The following RBFOX2 variants were observed in gnomAD, a reference collection of about 807,000 sequenced individuals.
RBFOX2 encodes RNA binding fox-1 homolog 2, also known as RNA binding protein fox-1 homolog 2.
In RBFOX2, 10 loss-of-function variants were observed where a neutral mutation model predicts 49.1. The ratio of observed to expected loss-of-function variants is 0.20; its 90% CI spans 0.13 to 0.35. RBFOX2 has a LOEUF of 0.35. Among genes scored for constraint, RBFOX2 ranks in the 10% least tolerant of loss-of-function variants. The probability of loss-of-function intolerance (pLI) is 1.00; values close to 1 mark genes in which losing one functional copy is unlikely to be tolerated. For synonymous variants in RBFOX2, 183 were observed against 187.4 expected (o/e 0.98, Z 0.19); for missense variants, 323 against 486.9 (o/e 0.66, Z 3.17).
intron 1 of RBFOX2, among the ~76,000 whole-genome samples, chr22:35,969,126 C>G (rs2056731844): frequency 6.6e-6 from 1 of 152,194 alleles, no homozygotes; most frequent in Non-Finnish European, 1.5e-5. Flanking sequence ...CTCATACACT[C>G]TCCTTGCACA....
intron 1 of RBFOX2, among the ~76,000 whole-genome samples, chr22:35,983,237 C>G (rs1331547612): frequency 6.6e-6 from 1 of 152,190 alleles, no homozygotes; most frequent in Non-Finnish European, 1.5e-5. Flanking sequence ...GCCCTCAGCT[C>G]TGCAACCAGG....
intron 1 of RBFOX2, among the ~76,000 whole-genome samples, chr22:35,846,069 A>G (rs1469154974): frequency 6.6e-6 from 1 of 150,684 alleles, no homozygotes; most frequent in Non-Finnish European, 1.5e-5. Flanking sequence ...TAATATAATT[A>G]CATACACTAT....
At chr22:35,826,448 T>A (rs1955755452) in intron 1 of RBFOX2, among the ~76,000 whole-genome samples, 1 of 151,840 alleles carries the variant, frequency 6.6e-6, no homozygotes, top group South Asian at 2.1e-4. Flanking sequence ...TGCTAACAGC[T>A]GAGTTATAAT....
intron 1 of RBFOX2, among the ~76,000 whole-genome samples, chr22:36,016,993 A>G (rs1299666782): frequency 6.6e-6 from 1 of 152,166 alleles, no homozygotes; most frequent in Admixed American, 6.5e-5. Flanking sequence ...GGTCCCTACT[A>G]AACTGGCTGG....
intron 8 of RBFOX2, among the ~76,000 whole-genome samples, chr22:35,760,728 T>C (rs376514214): frequency 1.3e-5 from 2 of 152,158 alleles, no homozygotes; most frequent in African/African-American, 2.4e-5. Flanking sequence ...TGCAGAGACA[T>C]TGATTCCATG....
chr22:35,929,183 G>A (rs1483646886), intron 1 of RBFOX2, among the ~76,000 whole-genome samples: 4 of 151,518 alleles, frequency 2.6e-5, no homozygotes, highest in Non-Finnish European at 5.9e-5. Flanking sequence ...GGGTTTAACT[G>A]GGTTAACCAG....
exon 12 of RBFOX2, chr22:35,741,985 T>G (rs555773659): frequency 4.2e-4 from 64 of 152,394 alleles, no homozygotes; most frequent in African/African-American, 1.4e-3. Context: ...AAACTTCTGT[T>G]TTTTTAGTCA....
At chr22:35,931,795 T>C (rs946268870) in intron 1 of RBFOX2, among the ~76,000 whole-genome samples, 1 of 151,964 alleles carries the variant, frequency 6.6e-6, no homozygotes, top group Non-Finnish European at 1.5e-5. Context: ...AGGCATGAGG[T>C]TTCTTTAAGG....
chr22:36,017,344 T>C (rs1308811977), intron 1 of RBFOX2, among the ~76,000 whole-genome samples: 1 of 151,868 alleles, frequency 6.6e-6, no homozygotes, highest in Non-Finnish European at 1.5e-5. Context: ...CTGGCCAACA[T>C]GGTGAAACCC....
At chr22:35,875,509 A>G (rs887791216) in intron 1 of RBFOX2, among the ~76,000 whole-genome samples, 1 of 152,082 alleles carries the variant, frequency 6.6e-6, no homozygotes, top group Non-Finnish European at 1.5e-5. Flanking sequence ...TCAATGAATG[A>G]GCGGTCAGAA....
intron 1 of RBFOX2, among the ~76,000 whole-genome samples, chr22:36,021,475 A>G (rs2059246047): frequency 1.3e-5 from 2 of 152,208 alleles, no homozygotes; most frequent in Non-Finnish European, 2.9e-5. Context: ...ATCACTCACA[A>G]AAGTGACAAA....
chr22:35,867,771 A>G (rs9622296), intron 1 of RBFOX2, among the ~76,000 whole-genome samples: 1 of 152,146 alleles, frequency 6.6e-6, no homozygotes, highest in African/African-American at 2.4e-5. Context: ...ATTTTTTTAA[A>G]TTTTTTCTTT....
At chr22:35,822,398 T>C (rs552905012) in intron 1 of RBFOX2, among the ~76,000 whole-genome samples, 13 of 152,344 alleles carry the variant, frequency 8.5e-5, no homozygotes, top group African/African-American at 2.9e-4. Context: ...TAAAGTTCTC[T>C]TCTGTTTCCT....
intron 1 of RBFOX2, among the ~76,000 whole-genome samples, chr22:35,970,902 A>C (rs1392430886): frequency 6.6e-6 from 1 of 152,184 alleles, no homozygotes; most frequent in African/African-American, 2.4e-5. Context: ...GAGTTTCTGT[A>C]ATCATCAGCT....
intron 1 of RBFOX2, among the ~76,000 whole-genome samples, chr22:35,920,916 TAAGATA>T (rs1364762211): frequency 1.4e-4 from 22 of 152,232 alleles, no homozygotes; most frequent in African/African-American, 4.8e-5. Flanking sequence ...AACAAAACGT[TAAGATA>T]AAGTTAAATA....
intron 1 of RBFOX2, among the ~76,000 whole-genome samples, chr22:35,985,812 G>C (rs1284727351): frequency 2.0e-5 from 3 of 152,088 alleles, no homozygotes; most frequent in Admixed American, 6.6e-5. Flanking sequence ...ATCACAGAAG[G>C]TGGGAGGATC....
chr22:35,831,706 AGAGTCTTT>A (rs1437301377), intron 1 of RBFOX2, among the ~76,000 whole-genome samples: 2 of 152,198 alleles, frequency 1.3e-5, no homozygotes, highest in African/African-American at 4.8e-5. Flanking sequence ...CTCTCAGTTA[AGAGTCTTT>A]TCAAAACCCA....
intron 1 of RBFOX2, chr22:35,994,384 AT>A (rs2058099945): frequency 6.8e-6 from 1 of 146,146 alleles, no homozygotes; most frequent in Non-Finnish European, 1.5e-5. Flanking sequence ...TTATTTATTC[AT>A]TTTATTTATT....
chr22:35,898,938 A>T (rs940233633), intron 1 of RBFOX2, among the ~76,000 whole-genome samples: 7 of 152,074 alleles, frequency 4.6e-5, no homozygotes, highest in African/African-American at 1.7e-4. Context: ...GACCAACATG[A>T]GAAACCTTGT....
Sources: allele counts gnomAD v4.1 joint callset (sites outside exome capture counted in the v4.1 genomes callset), GRCh38; gene constraint gnomAD v4.1.1; transcripts MANE v1.5; gene names NCBI Gene and HGNC (gene_info 2026-07-23, HGNC 2026-07-21).